LRRC38: variants seen among roughly 807,000 people sequenced by gnomAD.
The protein encoded by LRRC38 is leucine rich repeat containing 38.
In LRRC38, 5 loss-of-function variants were observed where a neutral mutation model predicts 16.4. The ratio of observed to expected loss-of-function variants is 0.31; its 90% confidence interval spans 0.16 to 0.64. The LOEUF is 0.64. LRRC38 is among the 30% of genes least tolerant of loss of function. LRRC38 has a pLI of 0.80. For missense variants in LRRC38, 341 were observed against 401.8 expected, an observed-to-expected ratio of 0.85 and a Z score of 1.29; for synonymous variants, 191 against 190.2, an observed-to-expected ratio of 1.00 and a Z score of -0.04.
At chr1:13,481,444 T>G (rs1569909470) in intron 1 of LRRC38, among the ~76,000 whole-genome samples, 1 of 150,806 alleles carries the variant, frequency 6.6e-6, no homozygotes, top group African/African-American at 2.4e-5. Flanking sequence ...CAGGCTGGAG[T>G]GCACTGGCAT....
At chr1:13,506,606 C>A (rs1215758782) in intron 1 of LRRC38, among the ~76,000 whole-genome samples, 1 of 152,146 alleles carries the variant, frequency 6.6e-6, no homozygotes, top group Non-Finnish European at 1.5e-5. Flanking sequence ...TACAGGTGCA[C>A]GCCACCGTGC....
Position 13,501,169 on chromosome 1 carries a change from A to G in LRRC38, c.631+11794T>C, listed in dbSNP as rs182381847. 1.2e-4 allele frequency among the ~76,000 whole-genome samples: 19 copies of G among 152,130 alleles called. 1 individual carries two copies. Among genetic ancestry groups the G allele is most frequent in the African/African-American group, 4.6e-4 (19 of 41,496 alleles). ...TACTAATATAGATATATATACGCAT[A>G]TATATTAGTATATACTAAATAGTAT... is the stretch of plus-strand genomic sequence containing the variant. On this transcript the variant is annotated intron_variant, in intron 1 of 1. Coordinates refer to ENST00000376085, the MANE Select transcript of LRRC38 (RefSeq NM_001010847.2).
At chr1:13,506,560 C>T (rs1043896702) in intron 1 of LRRC38, among the ~76,000 whole-genome samples, 2 of 152,114 alleles carry the variant, frequency 1.3e-5, no homozygotes, top group African/African-American at 2.4e-5. Context: ...CAGGTTCAAG[C>T]GATTCTCCTG....
intron 1 of LRRC38, among the ~76,000 whole-genome samples, chr1:13,488,788 T>C (rs191251615): frequency 5.3e-4 from 81 of 152,310 alleles, no homozygotes; most frequent in Non-Finnish European, 5.9e-5. Flanking sequence ...GATGTGTCCT[T>C]CTGTGAACTG....
chr1:13,501,596 T>TTTTTTTTG (rs1639150277), intron 1 of LRRC38, among the ~76,000 whole-genome samples: 1 of 117,316 alleles, frequency 8.5e-6, no homozygotes, highest in Non-Finnish European at 1.7e-5. Context: ...GTTTTTTGTT[T>TTTTTTTTG]TTTGTTTGTT....
rs528986758 is a variant in LRRC38 at position 13,510,022 on chromosome 1, G to C, written c.631+2941C>G. ...CTCCCCTGGCGATTCTCATGCAGGT[G>C]GTTCTCAGGTGACGCTTTGAGAAAC... is the stretch of plus-strand genomic sequence containing the variant. On this transcript the variant is annotated intron_variant, in intron 1 of 1. Transcript: ENST00000376085. 8.5e-5 allele frequency among the ~76,000 whole-genome samples: 13 copies of C among 152,310 alleles called. No individual in the cohort carries two copies. The South Asian group carries it at 2.7e-3, about 32-fold the overall frequency.
At chr1:13,477,459 G>T (rs1426953522) in intron 1 of LRRC38, among the ~76,000 whole-genome samples, 1 of 152,110 alleles carries the variant, frequency 6.6e-6, no homozygotes, top group African/African-American at 2.4e-5. Flanking sequence ...CTTTAACAGG[G>T]GTGGTCAGGA....
At chr1:13,508,228 C>T (rs985330707) in intron 1 of LRRC38, among the ~76,000 whole-genome samples, 1 of 152,166 alleles carries the variant, frequency 6.6e-6, no homozygotes, top group Non-Finnish European at 1.5e-5. Flanking sequence ...CAGAGCAAGA[C>T]CCCATCTCAA....
chr1:13,482,669 G>A (rs1220753962), intron 1 of LRRC38, among the ~76,000 whole-genome samples: 4 of 152,062 alleles, frequency 2.6e-5, no homozygotes, highest in Admixed American at 2.0e-4. Context: ...GGATCAGCAG[G>A]ACAGTGGAAG....
At chr1:13,476,961 C>T (rs564272612) in intron 1 of LRRC38, among the ~76,000 whole-genome samples, 2 of 152,050 alleles carry the variant, frequency 1.3e-5, no homozygotes, top group African/African-American at 4.8e-5. Context: ...CAAAATTAGC[C>T]GGGCATGGTG....
In LRRC38 at chr1:13,513,615, C is replaced by T. The variant is rs972654913; in HGVS notation, c.-22G>A. On this transcript the variant is annotated 5_prime_UTR_variant, in exon 1 of 2. Coordinates refer to ENST00000376085, the MANE Select transcript of LRRC38 (RefSeq NM_001010847.2). ...GCATGGCCGGGGGGCCCGCGCCGGC[C>T]GCGGCGAGAAGGAAGCGGCTCTCGG... is the stretch of plus-strand genomic sequence containing the variant. The T allele has an allele frequency of 4.3e-4, 462 of 1,068,916 alleles. 3 individuals carry two copies. The highest frequency in any genetic ancestry group is 1.3e-3 in the Middle Eastern group (3 of 2,346). 66.2% of individuals were successfully genotyped at this position (1,068,916 alleles called of 1,614,324 possible).
At position 13,481,774 on chromosome 1, in the gene LRRC38, TCTCTCC is replaced by T. The variant is rs1224649279; in HGVS notation, c.632-5681_632-5676del. 2.0e-3 allele frequency among the ~76,000 whole-genome samples: 65 copies of T among 32,480 alleles called. 1 individual carries two copies. The African/African-American group carries it at 0.02, about 10-fold the overall frequency. 21.3% of individuals were successfully genotyped at this position (32,480 alleles called of 152,430 possible). On this transcript the variant is annotated intron_variant, in intron 1 of 1. Coordinates refer to ENST00000376085, the MANE Select transcript of LRRC38 (RefSeq NM_001010847.2). Reference sequence around the variant, plus strand: ...CTCACTTTCTTTCCCTCTCTCTCCCTCTCTCCCTCTCTCCCTCTCTCTCTCTCTCTC... The same window carrying T: ...CTCACTTTCTTTCCCTCTCTCTCCCTCTCTCTCCCTCTCTCTCTCTCTCTC...
At chr1:13,486,114 A>T (rs3013044) in intron 1 of LRRC38, among the ~76,000 whole-genome samples, 52,090 of 151,590 alleles carry the variant, frequency 0.34, 10,450 homozygotes, top group African/African-American at 0.56. Flanking sequence ...AATTTTTGTA[A>T]TTTTAGTAGA....
chr1:13,501,768 TTTTG>T lies in LRRC38; in HGVS notation c.631+11191_631+11194del, dbSNP rs540948736. ...GCCACCATGCCCGGCTCATTTTTGT[TTTTG>T]TTTGTTTGTTTGTTTGTTTTTTGAG... is the stretch of plus-strand genomic sequence containing the variant. On this transcript the variant is annotated intron_variant, in intron 1 of 1. Transcript: ENST00000376085. Among the ~76,000 whole-genome samples, 567 of 151,044 alleles carry T rather than the reference TTTTG, an allele frequency of 3.8e-3. 2 individuals carry two copies. The highest frequency in any genetic ancestry group is 6.0e-3 in the Non-Finnish European group (405 of 67,802).
At chr1:13,509,539 A>G (rs927857099) in intron 1 of LRRC38, among the ~76,000 whole-genome samples, 2 of 152,012 alleles carry the variant, frequency 1.3e-5, no homozygotes, top group Non-Finnish European at 2.9e-5. Flanking sequence ...GTCCTTCCAC[A>G]CTGTGACAGC....
At position 13,487,873 on chromosome 1, in the gene LRRC38, G is replaced by A. The variant is rs1638955824; in HGVS notation, c.632-11774C>T. On this transcript the variant is annotated intron_variant, in intron 1 of 1. Coordinates refer to ENST00000376085, the MANE Select transcript of LRRC38 (RefSeq NM_001010847.2). The surrounding 1 kb of genome is among the most constrained non-coding windows in gnomAD (Gnocchi z 4.4). The stretch of plus-strand genomic sequence containing the variant: ...TAACTCAGATTAACAACAGGCTCTG[G>A]TAAGCGCTTTTTGTCATTAAAAATA... Among the ~76,000 whole-genome samples, 1 of 152,062 alleles carries A rather than the reference G, an allele frequency of 6.6e-6. No homozygotes were observed.
chr1:13,504,865 A>ACAAGAG (rs1553121249), intron 1 of LRRC38, among the ~76,000 whole-genome samples: 1 of 150,710 alleles, frequency 6.6e-6, no homozygotes, highest in African/African-American at 2.4e-5. Context: ...AGAAAAAAGA[A>ACAAGAG]AAAGAGAAAG....
At chr1:13,480,099 C>A (rs148248447) in intron 1 of LRRC38, among the ~76,000 whole-genome samples, 2,127 of 152,302 alleles carry the variant, frequency 0.014, 49 homozygotes, top group African/African-American at 0.049. Context: ...AATCCCAGCA[C>A]TTTGGGAGGC....
Position 13,511,031 on chromosome 1 carries a change from C to A in LRRC38, c.631+1932G>T, listed in dbSNP as rs143644489. ...TGCCCTGGAGCTGTGTCCGTCCTCT[C>A]CCTACTGGCTGAGACAAAGCCATAC... is the stretch of plus-strand genomic sequence containing the variant. On this transcript the variant is annotated intron_variant, in intron 1 of 1. Coordinates refer to ENST00000376085, the MANE Select transcript of LRRC38 (RefSeq NM_001010847.2). 2.8e-3 allele frequency among the ~76,000 whole-genome samples: 431 copies of A among 152,322 alleles called. 2 individuals are homozygous for A. The highest frequency in any genetic ancestry group is 1.0e-2 in the African/African-American group (414 of 41,574).
Sources: gnomAD v4.1 joint callset for allele counts (sites outside exome capture counted in the v4.1 genomes callset) on GRCh38, gnomAD v4.1.1 for gene constraint, Gnocchi (gnomAD v3.1) non-coding constraint, MANE v1.5 for transcripts, NCBI Gene and HGNC (gene_info 2026-07-23, HGNC 2026-07-21) for gene names.